PRKN: variants seen among roughly 807,000 people sequenced by gnomAD.
PRKN encodes the protein parkin RBR E3 ubiquitin protein ligase.
PRKN carries 56 observed loss-of-function variants against 59.5 expected under a neutral mutation model. The observed-to-expected ratio is 0.94, with a 90% CI of 0.76 to 1.18. PRKN has a LOEUF of 1.18. PRKN is among the 50% of genes most tolerant of loss of function. The pLI, the probability that PRKN is intolerant of heterozygous loss-of-function variation, is 0.00. For missense variants in PRKN, 657 were observed against 596.4 expected (o/e 1.10, Z -1.06); for synonymous variants, 250 against 222.1 (o/e 1.13, Z -1.12).
chr6:162,053,397 G>C (rs549781853), intron 5 of PRKN, among the ~76,000 whole-genome samples: 2 of 152,254 alleles, frequency 1.3e-5, no homozygotes, highest in South Asian at 2.1e-4. Flanking sequence ...GTTAGATTAC[G>C]ACGGAGCCAG....
intron 5 of PRKN, among the ~76,000 whole-genome samples, chr6:161,990,194 G>C (rs1440677771): frequency 6.6e-6 from 1 of 152,072 alleles, no homozygotes; most frequent in Non-Finnish European, 1.5e-5. Context: ...CAGCCCACTT[G>C]GTGTCCCTGT....
intron 1 of PRKN, among the ~76,000 whole-genome samples, chr6:162,508,421 G>A (rs1453969457): frequency 6.6e-6 from 1 of 152,154 alleles, no homozygotes. Flanking sequence ...AACATGATCT[G>A]CAAAAGCAAA....
chr6:162,635,171 G>C (rs1056111371), intron 1 of PRKN, among the ~76,000 whole-genome samples: 1 of 152,178 alleles, frequency 6.6e-6, no homozygotes, highest in African/African-American at 2.4e-5. Flanking sequence ...AGCTCACGGG[G>C]TAACAGCCTT....
At chr6:161,811,134 A>G (rs529839551) in intron 6 of PRKN, among the ~76,000 whole-genome samples, 2 of 152,328 alleles carry the variant, frequency 1.3e-5, no homozygotes, top group Non-Finnish European at 2.9e-5. Flanking sequence ...GTATTAGCCA[A>G]AGCAATTCTG....
intron 4 of PRKN, among the ~76,000 whole-genome samples, chr6:162,092,548 T>G (rs185640128): frequency 2.0e-5 from 3 of 152,208 alleles, no homozygotes; most frequent in African/African-American, 4.8e-5. Flanking sequence ...GTTGGTCTTA[T>G]GATACTACCT....
chr6:162,258,307 G>T (rs1032021646), intron 3 of PRKN, among the ~76,000 whole-genome samples: 4 of 152,146 alleles, frequency 2.6e-5, no homozygotes, highest in Non-Finnish European at 5.9e-5. Flanking sequence ...ACTGTGCTTG[G>T]CACAGAGTAA....
chr6:161,826,068 G>A (rs1792231835), intron 6 of PRKN, among the ~76,000 whole-genome samples: 1 of 152,154 alleles, frequency 6.6e-6, no homozygotes, highest in African/African-American at 2.4e-5. Flanking sequence ...AGAGGACCCT[G>A]GCTAAAATGC....
intron 5 of PRKN, among the ~76,000 whole-genome samples, chr6:162,017,480 G>A (rs1348677251): frequency 1.3e-5 from 2 of 152,074 alleles, no homozygotes; most frequent in Non-Finnish European, 2.9e-5. Context: ...AAATATTGTA[G>A]AAAAATCTAA....
At chr6:162,256,722 A>T (rs924156374) in intron 3 of PRKN, among the ~76,000 whole-genome samples, 2 of 152,164 alleles carry the variant, frequency 1.3e-5, no homozygotes, top group Non-Finnish European at 2.9e-5. Context: ...GGAGAGGGAC[A>T]CCCAGACACT....
Position 162,407,788 on chromosome 6 carries a change from GA to G in PRKN, c.171+35521del, listed in dbSNP as rs1306735709. Among the ~76,000 whole-genome samples, 22 of 151,190 alleles carry G rather than the reference GA, an allele frequency of 1.5e-4. No individual in the cohort carries two copies. The East Asian group carries it at 4.4e-3, about 30-fold the overall frequency. ...AAAATTACTCAAAATGTGAAATAAG[GA>G]AAAAAACGACTGATGTGTTAATGTC... On this transcript the variant is annotated intron_variant, in intron 2 of 11. Coordinates refer to ENST00000366898, the MANE Select transcript of PRKN (RefSeq NM_004562.3).
chr6:162,202,795 T>C (rs555232108), intron 3 of PRKN, among the ~76,000 whole-genome samples: 7 of 152,330 alleles, frequency 4.6e-5, no homozygotes, highest in Non-Finnish European at 8.8e-5. Flanking sequence ...ACATAAATAT[T>C]TGCAACATGC....
chr6:162,559,037 G>A (rs1293583344), intron 1 of PRKN, among the ~76,000 whole-genome samples: 1 of 151,612 alleles, frequency 6.6e-6, no homozygotes, highest in East Asian at 1.9e-4. Context: ...TGTAGTCCCA[G>A]CTACTTGGGA....
At chr6:161,814,236 A>T (rs1791673948) in intron 6 of PRKN, among the ~76,000 whole-genome samples, 1 of 152,206 alleles carries the variant, frequency 6.6e-6, no homozygotes, top group South Asian at 2.1e-4. Context: ...ATTCCTGTTA[A>T]AATATTCTTC....
intron 7 of PRKN, among the ~76,000 whole-genome samples, chr6:161,673,223 C>G (rs1490582027): frequency 2.6e-5 from 4 of 152,146 alleles, no homozygotes; most frequent in Admixed American, 2.6e-4. Context: ...CCATGCACAC[C>G]GCAGGAGACA....
At chr6:162,006,430 C>A (rs7765624) in intron 5 of PRKN, among the ~76,000 whole-genome samples, 72,569 of 151,974 alleles carry the variant, frequency 0.48, 17,545 homozygotes, top group East Asian at 0.6. Context: ...CCAGATTCCA[C>A]ATTCAACACT....
At chr6:162,051,645 G>A (rs886113248) in intron 5 of PRKN, among the ~76,000 whole-genome samples, 2 of 152,098 alleles carry the variant, frequency 1.3e-5, no homozygotes, top group Non-Finnish European at 2.9e-5. Flanking sequence ...GGGCGATGAT[G>A]GACTTTCTGA....
intron 9 of PRKN, among the ~76,000 whole-genome samples, chr6:161,438,419 T>C (rs1334869185): frequency 2.6e-5 from 4 of 151,936 alleles, no homozygotes; most frequent in African/African-American, 9.7e-5. Flanking sequence ...GGTTTCACCA[T>C]GTTGGCCAAG....
chr6:161,404,485 C>T (rs6455724), intron 9 of PRKN, among the ~76,000 whole-genome samples: 51,240 of 151,978 alleles, frequency 0.34, 10,459 homozygotes, highest in African/African-American at 0.58. Context: ...AACAAGACAA[C>T]TCTATAAATT....
In PRKN at chr6:161,870,272, G is replaced by GC. The variant is rs5881442; in HGVS notation, c.735-84365dup. ...TACAAAGAAAATGACAAAATCAGAA[G>GC]CCCCCCCACAGCTCAGCACATACTC... On this transcript the variant is annotated intron_variant, in intron 6 of 11. Coordinates refer to ENST00000366898, the MANE Select transcript of PRKN (RefSeq NM_004562.3). Among the ~76,000 whole-genome samples, 858 of 152,004 alleles carry GC rather than the reference G, an allele frequency of 5.6e-3. 5 individuals are homozygous for GC. Among genetic ancestry groups the GC allele is most frequent in the Non-Finnish European group, 8.5e-3 (577 of 67,968 alleles).
Sources: allele counts gnomAD v4.1 joint callset (sites outside exome capture counted in the v4.1 genomes callset), GRCh38; gene constraint gnomAD v4.1.1; transcripts MANE v1.5; gene names NCBI Gene and HGNC (gene_info 2026-07-23, HGNC 2026-07-21).